Variants in NFX1 observed in about 807,000 individuals in gnomAD.
NFX1 encodes nuclear transcription factor, X-box binding 1.
Under a neutral mutation model 137.2 loss-of-function variants are expected in NFX1, and 69 were observed. The ratio of observed to expected loss-of-function variants is 0.50; its 90% CI spans 0.41 to 0.61. NFX1 has a LOEUF of 0.61. NFX1 is among the 20% of genes least tolerant of loss of function. The pLI, the probability that NFX1 is intolerant of heterozygous loss-of-function variation, is 0.00. For missense variants in NFX1, 1,167 were observed against 1,391.0 expected (o/e 0.84, Z 2.56); for synonymous variants, 495 against 474.1 (o/e 1.04, Z -0.57).
At chr9:33,340,635 G>A (rs1340305607) in intron 12 of NFX1, among the ~76,000 whole-genome samples, 3 of 152,156 alleles carry the variant, frequency 2.0e-5, no homozygotes, top group Admixed American at 6.5e-5. Flanking sequence ...ACATTGTCAG[G>A]CTGCAAATTT....
chr9:33,316,593 A>G (rs187812943), intron 7 of NFX1, among the ~76,000 whole-genome samples: 1 of 152,310 alleles, frequency 6.6e-6, no homozygotes, highest in Non-Finnish European at 1.5e-5. Context: ...ATCTAGCAGA[A>G]TATTTTGGCC....
chr9:33,327,080 C>CA (rs145308790), intron 9 of NFX1, among the ~76,000 whole-genome samples: 6 of 152,004 alleles, frequency 3.9e-5, no homozygotes, highest in Admixed American at 6.5e-5. Flanking sequence ...ATTAGAATAA[C>CA]AAAAAAGACA....
chr9:33,344,321 C>T (rs1200098076), intron 14 of NFX1, 133 bp downstream of exon 14: 3 of 1,271,812 alleles, frequency 2.4e-6, no homozygotes, highest in Admixed American at 3.9e-5. Context: ...GGGGCTGGTT[C>T]TCTGAAGGTG....
chr9:33,290,821 C>T (rs1486000761), intron 1 of NFX1, among the ~76,000 whole-genome samples: 1 of 152,212 alleles, frequency 6.6e-6, no homozygotes, highest in African/African-American at 2.4e-5. Context: ...GGAGAGAGGA[C>T]TTGTCCCGGC....
chr9:33,313,842 C>T lies in NFX1; in HGVS notation c.1588+49C>T, dbSNP rs777376924. The T allele has an allele frequency of 8.9e-6, 14 of 1,576,620 alleles. No homozygotes were observed. The East Asian group carries it at 3.2e-4, about 36-fold the overall frequency. The stretch of plus-strand genomic sequence containing the variant: ...GCAATGCTTGTGTTCTTTTCTGGAA[C>T]CTTATTAATGATTGTCTTGATAAAC... On this transcript the variant is annotated intron_variant, in intron 7 of 23. Coordinates refer to ENST00000379540, the MANE Select transcript of NFX1 (RefSeq NM_002504.6).
At chr9:33,310,018 A>C (rs1297767627) in intron 5 of NFX1, among the ~76,000 whole-genome samples, 1 of 152,230 alleles carries the variant, frequency 6.6e-6, no homozygotes, top group African/African-American at 2.4e-5. Flanking sequence ...AATGATACTC[A>C]TCTTTAAAGA....
chr9:33,327,913 G>A (rs1021562959), intron 9 of NFX1, among the ~76,000 whole-genome samples: 5 of 152,142 alleles, frequency 3.3e-5, no homozygotes, highest in African/African-American at 1.2e-4. Flanking sequence ...TTTCAGAGTC[G>A]ACAGCATTCC....
chr9:33,314,994 A>G (rs1294855336), intron 7 of NFX1, among the ~76,000 whole-genome samples: 1 of 152,222 alleles, frequency 6.6e-6, no homozygotes, highest in Non-Finnish European at 1.5e-5. Context: ...TTGTGAATAT[A>G]AGTTTATGTT....
intron 14 of NFX1, 82 bp from the exon 15 acceptor site, chr9:33,346,956 C>A: frequency 1.9e-6 from 2 of 1,027,512 alleles, no homozygotes; most frequent in Admixed American, 2.4e-5. Context: ...AGTTTCATGC[C>A]GTATGCCACT....
chr9:33,318,610 A>G lies in NFX1; in HGVS notation c.1589-121A>G. On this transcript the variant is annotated intron_variant, in intron 7 of 23. Coordinates refer to ENST00000379540, the MANE Select transcript of NFX1 (RefSeq NM_002504.6). ...TGATCAGTACTCTATTTGGCCTCCC[A>G]GATTACAGGCATGAGCGACTGTGCC... The G allele has an allele frequency of 4.6e-6, 4 of 866,290 alleles. 1 individual carries two copies. In the South Asian group the frequency reaches 4.7e-5, roughly 10 times the overall value. The allele number at this position is 866,290 out of a possible 1,614,324, so 53.7% of individuals were successfully genotyped here.
intron 19 of NFX1, among the ~76,000 whole-genome samples, chr9:33,359,119 T>A (rs952486566): frequency 6.6e-6 from 1 of 152,248 alleles, no homozygotes; most frequent in African/African-American, 2.4e-5. Context: ...TTTTGGATTT[T>A]GTATATACAC....
intron 12 of NFX1, 96 bp downstream of exon 12, chr9:33,338,685 A>C: frequency 5.6e-6 from 6 of 1,077,582 alleles, no homozygotes; most frequent in Non-Finnish European, 8.1e-6. Flanking sequence ...CGGATTTAAA[A>C]GTCACTGGGA....
chr9:33,295,131 C>T lies in NFX1; in HGVS notation c.737C>T (p.Pro246Leu). The change falls in exon 2 of 24, where the codon CCT becomes CTT. Residue 246 changes from proline to leucine, a missense_variant. Around this residue, in one of 3 missense-constraint regions of NFX1, gnomAD observed 367 missense variants for 386.7 expected, o/e 0.95. Coordinates refer to ENST00000379540, the MANE Select transcript of NFX1 (RefSeq NM_002504.6). ...CAGAGAAGATACCCACAGAAAAGGC[C>T]TCCCTGGGAAGTGGAGGGGGCCAGG... ...NEQRRYPQKR[P>L]PWEVEGARPR... 6.2e-7 allele frequency: 1 copy of T among 1,614,100 alleles called. No individual in the cohort carries two copies. The highest frequency in any genetic ancestry group is 8.5e-7 in the Non-Finnish European group (1 of 1,180,014).
intron 5 of NFX1, among the ~76,000 whole-genome samples, chr9:33,308,655 A>G (rs187310177): frequency 3.3e-5 from 5 of 152,364 alleles, no homozygotes; most frequent in African/African-American, 1.2e-4. Flanking sequence ...TCTGTAAAAT[A>G]ATAATGATAG....
At chr9:33,364,832 A>T (rs1324240511) in intron 21 of NFX1, 58 bp downstream of exon 21, 1 of 1,596,042 alleles carries the variant, frequency 6.3e-7, no homozygotes. Flanking sequence ...TGAAAAAAAA[A>T]AAGCAATCAA....
intron 2 of NFX1, among the ~76,000 whole-genome samples, chr9:33,296,667 C>T (rs931405061): frequency 5.3e-5 from 8 of 152,210 alleles, no homozygotes; most frequent in African/African-American, 1.7e-4. Flanking sequence ...CCCAGGAGAT[C>T]GAGGCTGCAG....
At chr9:33,293,166 G>A (rs1161578747) in intron 1 of NFX1, among the ~76,000 whole-genome samples, 1 of 152,158 alleles carries the variant, frequency 6.6e-6, no homozygotes, top group Non-Finnish European at 1.5e-5. Flanking sequence ...TTGGAACCCC[G>A]AGTCTTCCTT....
chr9:33,301,460 A>G lies in NFX1; in HGVS notation c.1192+39A>G, dbSNP rs560205477. On this transcript the variant is annotated intron_variant, in intron 3 of 23. Coordinates refer to ENST00000379540, the MANE Select transcript of NFX1 (RefSeq NM_002504.6). Reference sequence around the variant, plus strand: ...CTCTTCTGAGTAGTTATTCTCCCCTATTTGATACGTTTAAGTATTATTAAG... The same window carrying G: ...CTCTTCTGAGTAGTTATTCTCCCCTGTTTGATACGTTTAAGTATTATTAAG... 2.7e-5 allele frequency: 43 copies of G among 1,594,820 alleles called. No individual in the cohort carries two copies. The South Asian group carries it at 4.0e-4, about 15-fold the overall frequency.
chr9:33,319,065 G>A lies in NFX1; in HGVS notation c.1844G>A (p.Cys615Tyr). ...LELGSSSRKT[C>Y]MDPVPSCGKV... ...CTTGGAAGTAGTAGTCGGAAAACATGCATGGACCCTGTGCCTTCATGTGGA... is the reference window on the plus strand; with the variant it reads ...CTTGGAAGTAGTAGTCGGAAAACATACATGGACCCTGTGCCTTCATGTGGA... The change falls in exon 9 of 24, where the codon TGC becomes TAC. Residue 615 changes from cysteine to tyrosine, a missense_variant. Cys to Tyr is a radical substitution (Grantham distance 194). This residue lies in a region of NFX1 where 488 missense variants were observed against 691.5 expected (regional missense o/e 0.71). Coordinates refer to ENST00000379540, the MANE Select transcript of NFX1 (RefSeq NM_002504.6). 6.2e-7 allele frequency: 1 copy of A among 1,614,216 alleles called. No homozygotes were observed. Among genetic ancestry groups the A allele is most frequent in the South Asian group, 1.1e-5 (1 of 91,088 alleles).
Sources: allele counts gnomAD v4.1 joint callset (sites outside exome capture counted in the v4.1 genomes callset), GRCh38; gene constraint gnomAD v4.1.1; regional missense constraint gnomAD v4.1.1; transcripts MANE v1.5; gene names NCBI Gene and HGNC (gene_info 2026-07-23, HGNC 2026-07-21).